CFAP44: variants seen among roughly 807,000 people sequenced by gnomAD.
CFAP44 encodes cilia- and flagella-associated protein 44.
In CFAP44, 134 loss-of-function variants were observed where a neutral mutation model predicts 216.2. The observed-to-expected ratio is 0.62, with a 90% CI of 0.54 to 0.72. The LOEUF is 0.72. Ranked by LOEUF, CFAP44 falls within the 30% of genes least tolerant of loss-of-function variation. The pLI, the probability that CFAP44 is intolerant of heterozygous loss-of-function variation, is 0.00. For missense variants in CFAP44, 2,035 were observed against 2,182.1 expected (o/e 0.93, Z 1.34); for synonymous variants, 700 against 727.6 (o/e 0.96, Z 0.61).
rs752336084 is a variant in CFAP44, at chr3:113,400,004, T to C, written c.1475-4A>G. Reference sequence around the variant, plus strand: ...AAATCATAGATTCGAACAGAGCCTATAGAAAGACAGTTTTAAAAGAAAAAA... The same window carrying C: ...AAATCATAGATTCGAACAGAGCCTACAGAAAGACAGTTTTAAAAGAAAAAA... On this transcript the variant is annotated splice_polypyrimidine_tract_variant and splice_region_variant and intron_variant, in intron 12 of 34. Coordinates refer to ENST00000393845, the MANE Select transcript of CFAP44 (RefSeq NM_001164496.2). The C allele has an allele frequency of 1.0e-4, 154 of 1,543,310 alleles. 1 individual carries two copies. Among genetic ancestry groups the C allele is most frequent in the Non-Finnish European group, 1.2e-4 (134 of 1,151,542 alleles).
At chr3:113,340,080 T>G (rs550171994) in intron 24 of CFAP44, among the ~76,000 whole-genome samples, 1 of 152,308 alleles carries the variant, frequency 6.6e-6, no homozygotes, top group Non-Finnish European at 1.5e-5. Context: ...TCTCCCGCCC[T>G]GCTCGTGACT....
At chr3:113,341,639 T>C (rs1230822829) in intron 24 of CFAP44, 105 bp downstream of exon 24, 1 of 1,214,730 alleles carries the variant, frequency 8.2e-7, no homozygotes, top group African/African-American at 1.6e-5. Flanking sequence ...TTTTCACTTT[T>C]GATTTTAAAT....
intron 21 of CFAP44, among the ~76,000 whole-genome samples, chr3:113,362,445 C>T (rs560506803): frequency 6.1e-4 from 93 of 152,218 alleles, no homozygotes; most frequent in Non-Finnish European, 8.7e-4. Flanking sequence ...TTCTTGAAGC[C>T]GTATTTTTTG....
chr3:113,338,629 G>T (rs1950303096), intron 24 of CFAP44, among the ~76,000 whole-genome samples: 1 of 152,118 alleles, frequency 6.6e-6, no homozygotes, highest in Non-Finnish European at 1.5e-5. Context: ...TGATTGAAAA[G>T]TAACATAACA....
chr3:113,406,842 C>T, intron 8 of CFAP44, 85 bp downstream of exon 8: 1 of 821,250 alleles, frequency 1.2e-6, no homozygotes, highest in East Asian at 2.6e-5. Context: ...ATTGGCAGAG[C>T]TTGTTAGAAT....
intron 13 of CFAP44, among the ~76,000 whole-genome samples, chr3:113,398,574 T>C (rs985898964): frequency 1.3e-5 from 2 of 152,208 alleles, no homozygotes; most frequent in African/African-American, 2.4e-5. Context: ...AGAGTGTAAC[T>C]AGATTAGGAT....
intron 5 of CFAP44, among the ~76,000 whole-genome samples, chr3:113,419,315 AT>A (rs1296705064): frequency 6.6e-6 from 1 of 152,026 alleles, no homozygotes; most frequent in East Asian, 1.9e-4. Context: ...TTTTACAAAT[AT>A]AGGTCTTGTC....
At chr3:113,293,945 C>A (rs1374083563) in intron 34 of CFAP44, 3 of 455,770 alleles carry the variant, frequency 6.6e-6, no homozygotes, top group Non-Finnish European at 1.3e-5. Flanking sequence ...GGGGCCTTAG[C>A]ACCTGCATTT....
At chr3:113,428,870 T>C (rs1935030901) in intron 2 of CFAP44, 2 of 151,856 alleles carry the variant, frequency 1.3e-5, no homozygotes, top group Admixed American at 1.3e-4. Flanking sequence ...GTTTCTTCCA[T>C]TTTTTTTGTT....
rs1949823518 is a variant in CFAP44 at position 113,290,937 on chromosome 3, G to A, written c.*620C>T. 6.5e-6 allele frequency: 1 copy of A among 152,968 alleles called. No individual in the cohort carries two copies. Among genetic ancestry groups the A allele is most frequent in the African/African-American group, 2.4e-5 (1 of 41,572 alleles). The allele number at this position is 152,968 out of a possible 1,614,324, so 9.5% of individuals were successfully genotyped here. On this transcript the variant is annotated 3_prime_UTR_variant, in exon 35 of 35. Coordinates refer to ENST00000393845, the MANE Select transcript of CFAP44 (RefSeq NM_001164496.2). ...ACAAAAACTGTGGGCAATCCAAGAA[G>A]GCTGGTTATTTTCCTGCTTTCTGCC...
intron 4 of CFAP44, among the ~76,000 whole-genome samples, chr3:113,421,968 G>A (rs541364569): frequency 2.0e-5 from 3 of 152,104 alleles, no homozygotes; most frequent in Admixed American, 6.5e-5. Context: ...ACCTGCATGT[G>A]TACCCTCTGT....
chr3:113,393,630 C>T (rs182946938), intron 15 of CFAP44, among the ~76,000 whole-genome samples: 2 of 152,296 alleles, frequency 1.3e-5, no homozygotes, highest in African/African-American at 4.8e-5. Context: ...ATCCTCCCAC[C>T]TCAACCTCCC....
At position 113,365,374 on chromosome 3, in the gene CFAP44, A is replaced by C. The variant is rs1423869945; in HGVS notation, c.2715+665T>G. Among the ~76,000 whole-genome samples, 3 of 152,176 alleles carry C rather than the reference A, an allele frequency of 2.0e-5. No individual in the cohort carries two copies. In the East Asian group the frequency reaches 5.8e-4, roughly 29 times the overall value. The stretch of plus-strand genomic sequence containing the variant: ...ATATGTTCAAAGGAATTTTAGCTAT[A>C]ATCTTTCTAATACAACTCCTTTCTC... On this transcript the variant is annotated intron_variant, in intron 19 of 34. Transcript: ENST00000393845.
chr3:113,358,905 T>C (rs1950514397), intron 21 of CFAP44, 30 bp from the exon 22 acceptor site: 6 of 1,533,208 alleles, frequency 3.9e-6, no homozygotes, highest in Non-Finnish European at 3.5e-6. Flanking sequence ...TTCATCAAAA[T>C]GGGTACTGTA....
intron 15 of CFAP44, among the ~76,000 whole-genome samples, chr3:113,391,265 A>G (rs1389953842): frequency 1.3e-5 from 2 of 152,156 alleles, no homozygotes; most frequent in African/African-American, 4.8e-5. Flanking sequence ...TTTAATAAAC[A>G]GTTTTGGAAA....
chr3:113,334,265 T>C (rs1950264052), intron 24 of CFAP44, among the ~76,000 whole-genome samples: 1 of 152,200 alleles, frequency 6.6e-6, no homozygotes, highest in Non-Finnish European at 1.5e-5. Flanking sequence ...AACTTTGTAA[T>C]TGCATAAGTG....
rs1949824981 is a variant in CFAP44, at chr3:113,291,119, G to A, written c.*438C>T. 6.3e-6 allele frequency: 1 copy of A among 159,620 alleles called. No individual in the cohort carries two copies. Among genetic ancestry groups the A allele is most frequent in the South Asian group, 1.8e-4 (1 of 5,566 alleles). The allele number at this position is 159,620 out of a possible 1,614,324, so 9.9% of individuals were successfully genotyped here. On this transcript the variant is annotated 3_prime_UTR_variant, in exon 35 of 35. Coordinates refer to ENST00000393845, the MANE Select transcript of CFAP44 (RefSeq NM_001164496.2). ...TGTCCTTTTCTCCTGCATCCTCTCAGAGAACACTTAATAACATCTAAGTTT... is the reference window on the plus strand; with the variant it reads ...TGTCCTTTTCTCCTGCATCCTCTCAAAGAACACTTAATAACATCTAAGTTT...
chr3:113,395,627 C>T, intron 15 of CFAP44, 123 bp downstream of exon 15: 1 of 766,108 alleles, frequency 1.3e-6, no homozygotes, highest in Admixed American at 3.0e-5. Flanking sequence ...TTGCCGCATC[C>T]CTGACCCTCA....
Position 113,316,702 on chromosome 3 carries a change from C to T in CFAP44, c.4517-8434G>A, listed in dbSNP as rs139123336. 1.9e-3 allele frequency among the ~76,000 whole-genome samples: 289 copies of T among 152,110 alleles called. 2 individuals are homozygous for T. Among genetic ancestry groups the T allele is most frequent in the African/African-American group, 5.7e-3 (237 of 41,486 alleles). On this transcript the variant is annotated intron_variant, in intron 28 of 34. Transcript: ENST00000393845. ...TGGCCAACACTGTGAAACCCCATCT[C>T]TACTAAAAATATAAAAATTAGCTGG...
Sources: gnomAD v4.1 joint callset for allele counts (sites outside exome capture counted in the v4.1 genomes callset) on GRCh38, gnomAD v4.1.1 for gene constraint, MANE v1.5 for transcripts, NCBI Gene and HGNC (gene_info 2026-07-23, HGNC 2026-07-21) for gene names.